Variants in KIF15 observed in about 807,000 individuals in gnomAD.
The protein encoded by KIF15 is kinesin-like protein KIF15.
Under a neutral mutation model 190.6 loss-of-function variants are expected in KIF15, and 140 were observed. The observed-to-expected ratio is 0.73, with a 90% CI of 0.64 to 0.84. The LOEUF (loss-of-function observed/expected upper bound fraction) is 0.84. Among genes scored for constraint, KIF15 ranks in the 40% least tolerant of loss-of-function variants. The pLI, the probability that KIF15 is intolerant of heterozygous loss-of-function variation, is 0.00. For synonymous variants in KIF15, 528 were observed against 551.3 expected, an observed-to-expected ratio of 0.96 and a Z score of 0.59; for missense variants, 1,372 against 1,584.4, an observed-to-expected ratio of 0.87 and a Z score of 2.28.
intron 26 of KIF15, among the ~76,000 whole-genome samples, chr3:44,835,611 C>G (rs1440930335): frequency 2.0e-5 from 3 of 152,050 alleles, no homozygotes; most frequent in African/African-American, 7.2e-5. Context: ...GATTTACCAA[C>G]AAAACTTAGA....
At chr3:44,866,186 C>T (rs1368572556) in intron 6 of KIF15, among the ~76,000 whole-genome samples, 2 of 151,766 alleles carry the variant, frequency 1.3e-5, no homozygotes, top group Non-Finnish European at 2.9e-5. Flanking sequence ...CATTCTCCTG[C>T]CTCAGCTTCC....
chr3:44,811,666 G>T (rs1707790723), intron 17 of KIF15, among the ~76,000 whole-genome samples: 1 of 152,102 alleles, frequency 6.6e-6, no homozygotes, highest in Non-Finnish European at 1.5e-5. Flanking sequence ...AAAGTTAAAA[G>T]AATCTTATTA....
intron 6 of KIF15, chr3:44,864,197 G>T (rs1352670857): frequency 1.2e-6 from 2 of 1,613,890 alleles, no homozygotes; most frequent in Admixed American, 3.3e-5. Context: ...TCTCCTGCAG[G>T]TGAGCATGGG....
At chr3:44,862,691 A>C (rs1404445051) in intron 6 of KIF15, 1 of 151,914 alleles carries the variant, frequency 6.6e-6, no homozygotes, top group South Asian at 2.1e-4. Context: ...GAGAACTCCT[A>C]AACTTGCATC....
intron 6 of KIF15, chr3:44,861,811 G>A: frequency 8.2e-7 from 1 of 1,221,968 alleles, no homozygotes; most frequent in Non-Finnish European, 1.1e-6. Flanking sequence ...TTCCCAAGGG[G>A]CCTGCCGGAG....
intron 20 of KIF15, among the ~76,000 whole-genome samples, chr3:44,822,454 A>G (rs933041848): frequency 1.3e-5 from 2 of 151,734 alleles, no homozygotes; most frequent in African/African-American, 4.8e-5. Context: ...CTTCATTTCA[A>G]CCTTGGTGAA....
chr3:44,866,677 G>A (rs944621136), intron 6 of KIF15, among the ~76,000 whole-genome samples: 3 of 152,170 alleles, frequency 2.0e-5, no homozygotes, highest in Non-Finnish European at 4.4e-5. Flanking sequence ...CCTTACTGTG[G>A]TCAGCACAAT....
chr3:44,858,528 TGG>T (rs1219551985), intron 6 of KIF15, among the ~76,000 whole-genome samples: 1 of 150,750 alleles, frequency 6.6e-6, no homozygotes, highest in Non-Finnish European at 1.5e-5. Flanking sequence ...TGGGTTAAGG[TGG>T]GGGGGATACG....
intron 16 of KIF15, among the ~76,000 whole-genome samples, chr3:44,809,379 T>A (rs1707681055): frequency 6.6e-6 from 1 of 152,218 alleles, no homozygotes; most frequent in Non-Finnish European, 1.5e-5. Flanking sequence ...TGCTTGTCTT[T>A]CATCTTTGCA....
At chr3:44,795,571 A>G (rs910236940) in intron 8 of KIF15, among the ~76,000 whole-genome samples, 8 of 152,168 alleles carry the variant, frequency 5.3e-5, no homozygotes, top group African/African-American at 1.7e-4. Flanking sequence ...AAAGATGACC[A>G]CTTACGCTGT....
intron 26 of KIF15, among the ~76,000 whole-genome samples, chr3:44,834,710 G>A (rs574582100): frequency 1.3e-5 from 2 of 151,526 alleles, no homozygotes; most frequent in African/African-American, 4.8e-5. Flanking sequence ...GGATCACAAG[G>A]TCAGGAGATC....
intron 20 of KIF15, among the ~76,000 whole-genome samples, chr3:44,819,754 A>G (rs745708650): frequency 6.6e-6 from 1 of 152,170 alleles, no homozygotes; most frequent in Non-Finnish European, 1.5e-5. Flanking sequence ...GTAGATGTCT[A>G]TTAGGTCCGC....
chr3:44,787,645 G>T (rs1706476174), intron 7 of KIF15, among the ~76,000 whole-genome samples: 1 of 151,940 alleles, frequency 6.6e-6, no homozygotes, highest in Non-Finnish European at 1.5e-5. Context: ...AGTCTGGAGG[G>T]ATTAACAATT....
At chr3:44,767,435 A>G (rs1705443953) in intron 1 of KIF15, among the ~76,000 whole-genome samples, 1 of 152,210 alleles carries the variant, frequency 6.6e-6, no homozygotes, top group Admixed American at 6.5e-5. Flanking sequence ...AGGGATGACT[A>G]TATGGTTTTT....
chr3:44,834,088 T>G (rs1203214050), intron 26 of KIF15, among the ~76,000 whole-genome samples: 1 of 152,246 alleles, frequency 6.6e-6, no homozygotes, highest in Non-Finnish European at 1.5e-5. Context: ...ATATTGTATT[T>G]AGATTTAAAT....
Position 44,786,402 on chromosome 3 carries a change from C to A in KIF15, c.467C>A (p.Ala156Asp). 1 of 1,607,332 alleles carries A rather than the reference C, an allele frequency of 6.2e-7. No individual in the cohort carries two copies. Among genetic ancestry groups the A allele is most frequent in the Non-Finnish European group, 8.5e-7 (1 of 1,175,638 alleles). ...LIDREKEKAGAGKSFLCKCSF... is the reference protein window; with the variant it reads ...LIDREKEKAGDGKSFLCKCSF... ...GAGGCTTCTTTTTTACAGGCTGGAGCTGGAAAGAGTTTCCTTTGTAAGTGT... is the reference window on the plus strand; with the variant it reads ...GAGGCTTCTTTTTTACAGGCTGGAGATGGAAAGAGTTTCCTTTGTAAGTGT... Residue 156 changes from alanine (A) to aspartate (D), a missense_variant, in exon 7 of 35, where the codon GCT becomes GAT. By Grantham distance (126) the Ala-to-Asp change is moderately radical. Transcript: ENST00000326047.
chr3:44,847,019 G>A (rs979821931), intron 30 of KIF15, among the ~76,000 whole-genome samples: 1 of 152,128 alleles, frequency 6.6e-6, no homozygotes. Context: ...GGCAGAGACC[G>A]CATGGCTCCC....
At chr3:44,861,897 G>C (rs745936787) in intron 6 of KIF15, 1 of 1,487,980 alleles carries the variant, frequency 6.7e-7, no homozygotes, top group African/African-American at 1.5e-5. Flanking sequence ...GCGGGCAGCG[G>C]GTGCCAGGCA....
At chr3:44,762,772 C>T (rs1291597845) in intron 1 of KIF15, among the ~76,000 whole-genome samples, 1 of 152,196 alleles carries the variant, frequency 6.6e-6, no homozygotes, top group African/African-American at 2.4e-5. Flanking sequence ...AGGTCGATCA[C>T]ACCTAATCGG....
Sources: gnomAD v4.1 joint callset for allele counts (sites outside exome capture counted in the v4.1 genomes callset) on GRCh38, gnomAD v4.1.1 for gene constraint, MANE v1.5 for transcripts, NCBI Gene and HGNC (gene_info 2026-07-23, HGNC 2026-07-21) for gene names.